Variants in RANBP2 observed in about 807,000 individuals in gnomAD.
RANBP2 encodes RAN binding protein 2, also known as E3 SUMO-protein ligase RanBP2.
Under a neutral mutation model 303.6 loss-of-function variants are expected in RANBP2, and 57 were observed. The ratio of observed to expected loss-of-function variants is 0.19; its 90% CI spans 0.15 to 0.23. The LOEUF is 0.23. RANBP2 is among the 10% of genes least tolerant of loss of function. RANBP2 has a pLI of 1.00. For synonymous variants in RANBP2, 1,167 were observed against 1,301.5 expected, an observed-to-expected ratio of 0.90 and a Z score of 2.23; for missense variants, 3,138 against 3,780.8, an observed-to-expected ratio of 0.83 and a Z score of 4.46.
At chr2:109,355,774 T>C in the RANBP2 span, among the ~76,000 whole-genome samples, 1 of 152,214 alleles carries the variant, frequency 6.6e-6, no homozygotes, top group Non-Finnish European at 1.5e-5. Context: ...GGATCAGTCT[T>C]GCCGTCTTCA....
the RANBP2 span, among the ~76,000 whole-genome samples, chr2:109,065,550 C>T: frequency 6.6e-6 from 1 of 152,180 alleles, no homozygotes; most frequent in African/African-American, 2.4e-5. Context: ...CAGGGACTAA[C>T]TGGAGGAGAG....
the RANBP2 span, among the ~76,000 whole-genome samples, chr2:109,407,958 A>G: frequency 3.3e-5 from 5 of 152,128 alleles, no homozygotes; most frequent in East Asian, 1.9e-4. Flanking sequence ...TTTTGCTGCT[A>G]TGACGAGCTA....
the RANBP2 span, among the ~76,000 whole-genome samples, chr2:109,471,328 C>T: frequency 2.6e-5 from 4 of 151,632 alleles, no homozygotes; most frequent in Non-Finnish European, 4.4e-5. Context: ...ACAATCATGG[C>T]GGAAGGCAAA....
chr2:109,280,340 C>A, the RANBP2 span, among the ~76,000 whole-genome samples: 2 of 152,200 alleles, frequency 1.3e-5, no homozygotes, highest in African/African-American at 4.8e-5. Context: ...GCCCCACAGC[C>A]AGCCAGTGGC....
At chr2:109,485,680 G>C in the RANBP2 span, among the ~76,000 whole-genome samples, 1,633 of 152,334 alleles carry the variant, frequency 0.011, 22 homozygotes, top group South Asian at 0.054. Flanking sequence ...CTTTAAAGTG[G>C]AGTACCACTT....
the RANBP2 span, among the ~76,000 whole-genome samples, chr2:109,719,058 A>G: frequency 6.7e-6 from 1 of 150,078 alleles, no homozygotes; most frequent in Non-Finnish European, 1.5e-5. Flanking sequence ...ATTTAATTAC[A>G]TGCCTGAGTG....
the RANBP2 span, among the ~76,000 whole-genome samples, chr2:109,465,032 G>A: frequency 1.3e-5 from 2 of 152,092 alleles, no homozygotes; most frequent in African/African-American, 4.8e-5. Flanking sequence ...TCATAGATTT[G>A]CCTTTTCTAG....
chr2:108,882,643 T>A, the RANBP2 span: 1 of 152,312 alleles, frequency 6.6e-6, no homozygotes, highest in African/African-American at 2.4e-5. Context: ...ACCTTTTTTG[T>A]TCACTTCCCA....
chr2:109,224,713 C>T, the RANBP2 span, among the ~76,000 whole-genome samples: 401 of 152,172 alleles, frequency 2.6e-3, 2 homozygotes, highest in African/African-American at 9.3e-3. Flanking sequence ...AAAAATTAGC[C>T]CAGCATGGTG....
the RANBP2 span, among the ~76,000 whole-genome samples, chr2:108,906,946 G>A: frequency 6.6e-6 from 1 of 152,200 alleles, no homozygotes; most frequent in African/African-American, 2.4e-5. Context: ...GATCCCAACT[G>A]GGCATTTTTG....
the RANBP2 span, chr2:109,545,843 A>G: frequency 7.0e-7 from 1 of 1,436,162 alleles, no homozygotes; most frequent in Admixed American, 2.9e-5. Context: ...AATACTGAAC[A>G]CATAACATGT....
chr2:109,209,908 G>A, the RANBP2 span, among the ~76,000 whole-genome samples: 1 of 152,034 alleles, frequency 6.6e-6, no homozygotes, highest in Admixed American at 6.5e-5. Flanking sequence ...CCCCTGTTTT[G>A]TAACCACTGC....
At chr2:109,493,104 A>C in the RANBP2 span, among the ~76,000 whole-genome samples, 192 of 92,532 alleles carry the variant, frequency 2.1e-3, 1 homozygote, top group African/African-American at 6.9e-3. Context: ...ATACACATAC[A>C]CCACAGATAC....
At chr2:109,125,712 A>C in the RANBP2 span, among the ~76,000 whole-genome samples, 1 of 152,280 alleles carries the variant, frequency 6.6e-6, no homozygotes, top group Non-Finnish European at 1.5e-5. Context: ...AGATCTTTTT[A>C]GGAATGGCTG....
At chr2:109,217,342 G>T in the RANBP2 span, among the ~76,000 whole-genome samples, 3 of 152,110 alleles carry the variant, frequency 2.0e-5, no homozygotes, top group African/African-American at 7.2e-5. Context: ...TACGTATTTG[G>T]AACTGCACTT....
the RANBP2 span, among the ~76,000 whole-genome samples, chr2:109,573,972 T>A: frequency 6.6e-6 from 1 of 152,194 alleles, no homozygotes; most frequent in Non-Finnish European, 1.5e-5. Context: ...TAAAGTAAAA[T>A]TAGTATCAAC....
chr2:109,699,925 T>C, the RANBP2 span, among the ~76,000 whole-genome samples: 7 of 152,210 alleles, frequency 4.6e-5, no homozygotes, highest in African/African-American at 1.7e-4. Context: ...GGTTTGTTTC[T>C]CTTCTCTCAG....
At chr2:109,490,683 T>A in the RANBP2 span, 1 of 1,525,694 alleles carries the variant, frequency 6.6e-7, no homozygotes, top group Non-Finnish European at 8.8e-7. Context: ...GCCATCTGTG[T>A]CTCCAACCCA....
the RANBP2 span, among the ~76,000 whole-genome samples, chr2:109,574,088 T>C: frequency 9.9e-5 from 15 of 152,276 alleles, no homozygotes; most frequent in African/African-American, 3.6e-4. Flanking sequence ...TTGCATCTCA[T>C]CTTCCAAATT....
Sources: gnomAD v4.1 joint callset for allele counts (sites outside exome capture counted in the v4.1 genomes callset) on GRCh38, gnomAD v4.1.1 for gene constraint, MANE v1.5 for transcripts, NCBI Gene and HGNC (gene_info 2026-07-23, HGNC 2026-07-21) for gene names.